KCNK13: variants seen among roughly 807,000 people sequenced by gnomAD.
The protein encoded by KCNK13 is potassium two pore domain channel subfamily K member 13.
KCNK13 carries 12 observed loss-of-function variants against 23.4 expected under a neutral mutation model. That is an observed-to-expected ratio of 0.51 (90% CI 0.33 to 0.83). KCNK13 has a LOEUF of 0.83. Ranked by LOEUF, KCNK13 falls within the 40% of genes least tolerant of loss-of-function variation. KCNK13 has a pLI of 0.02. For synonymous variants in KCNK13, 231 were observed against 229.5 expected (o/e 1.01, Z -0.06); for missense variants, 463 against 556.3 (o/e 0.83, Z 1.69).
At chr14:90,099,173 T>C (rs1170344099) in intron 1 of KCNK13, among the ~76,000 whole-genome samples, 2 of 152,228 alleles carry the variant, frequency 1.3e-5, no homozygotes, top group Non-Finnish European at 2.9e-5. Flanking sequence ...TGTATGGTTG[T>C]AACATAGTTG....
At position 90,177,005 on chromosome 14, in the gene KCNK13, C is replaced by T. The variant is rs141977117; in HGVS notation, c.335-7106C>T. ...ACTGCACTCCAGCCTTGCGACAGAG[C>T]GGGACTCCATCTCAAAAAATAAAAT... is the stretch of plus-strand genomic sequence containing the variant. On this transcript the variant is annotated intron_variant, in intron 1 of 1. Coordinates refer to ENST00000282146, the MANE Select transcript of KCNK13 (RefSeq NM_022054.4). Among the ~76,000 whole-genome samples the T allele has an allele frequency of 4.9e-4, 74 of 152,022 alleles. No individual in the cohort carries two copies. In the East Asian group the frequency reaches 0.013, roughly 26 times the overall value.
At chr14:90,070,210 TG>T (rs1889057337) in intron 1 of KCNK13, among the ~76,000 whole-genome samples, 1 of 152,220 alleles carries the variant, frequency 6.6e-6, no homozygotes, top group Admixed American at 6.5e-5. Flanking sequence ...GGGGGAAAGG[TG>T]TATCTTAAAA....
intron 1 of KCNK13, among the ~76,000 whole-genome samples, chr14:90,081,813 G>A (rs571300718): frequency 2.6e-5 from 4 of 152,278 alleles, no homozygotes; most frequent in South Asian, 4.1e-4. Flanking sequence ...GGGAGGTGGC[G>A]CCTTGAAGGA....
At chr14:90,111,851 C>T (rs1003339645) in intron 1 of KCNK13, among the ~76,000 whole-genome samples, 7 of 152,150 alleles carry the variant, frequency 4.6e-5, no homozygotes, top group African/African-American at 1.7e-4. Flanking sequence ...GGTGAATCAA[C>T]TTCTCTAGTA....
chr14:90,133,612 A>C (rs1566957673), intron 1 of KCNK13, among the ~76,000 whole-genome samples: 1 of 152,066 alleles, frequency 6.6e-6, no homozygotes, highest in African/African-American at 2.4e-5. Context: ...AAAAAAAAAA[A>C]AAACAGTTAA....
At chr14:90,183,611 G>A (rs959629251) in intron 1 of KCNK13, among the ~76,000 whole-genome samples, 10 of 152,138 alleles carry the variant, frequency 6.6e-5, no homozygotes, top group Non-Finnish European at 1.0e-4. Context: ...CTCCATGAGG[G>A]CAGGGACCAG....
chr14:90,064,733 G>A (rs184590100), intron 1 of KCNK13, among the ~76,000 whole-genome samples: 4 of 152,170 alleles, frequency 2.6e-5, no homozygotes, highest in Non-Finnish European at 5.9e-5. Context: ...AAGTGCGTGC[G>A]TGTTAAAAGG....
chr14:90,099,752 G>A (rs1355783631), intron 1 of KCNK13, among the ~76,000 whole-genome samples: 1 of 152,208 alleles, frequency 6.6e-6, no homozygotes, highest in Non-Finnish European at 1.5e-5. Context: ...CAGACAATAG[G>A]TGGGTGAGGT....
intron 1 of KCNK13, among the ~76,000 whole-genome samples, chr14:90,070,272 A>G (rs1420419205): frequency 6.6e-6 from 1 of 152,240 alleles, no homozygotes. Context: ...CCATTATAAC[A>G]TGAGCAGATT....
chr14:90,183,983 A>C, intron 1 of KCNK13, 128 bp from the exon 2 acceptor site: 1 of 821,526 alleles, frequency 1.2e-6, no homozygotes, highest in Non-Finnish European at 1.9e-6. Flanking sequence ...GCTCATTCCT[A>C]GAAAGACTAA....
chr14:90,075,810 TTCTC>T (rs1889128126), intron 1 of KCNK13, among the ~76,000 whole-genome samples: 1 of 152,188 alleles, frequency 6.6e-6, no homozygotes, highest in Non-Finnish European at 1.5e-5. Context: ...CTTCCCATCT[TTCTC>T]TCTAGTTTCA....
intron 1 of KCNK13, among the ~76,000 whole-genome samples, chr14:90,087,142 ATATATATATATAT>A (rs1889288030): frequency 5.3e-5 from 6 of 113,432 alleles, no homozygotes; most frequent in Admixed American, 1.7e-4. Flanking sequence ...ATATATATAT[ATATATATATATAT>A]TTTTTTTTTT....
intron 1 of KCNK13, among the ~76,000 whole-genome samples, chr14:90,084,654 C>T (rs941611490): frequency 6.6e-6 from 1 of 152,148 alleles, no homozygotes; most frequent in Non-Finnish European, 1.5e-5. Context: ...ACTAGAACTC[C>T]CACTGCAATG....
intron 1 of KCNK13, among the ~76,000 whole-genome samples, chr14:90,085,444 A>G (rs1416907788): frequency 1.3e-5 from 2 of 151,348 alleles, no homozygotes; most frequent in African/African-American, 4.9e-5. Context: ...GGATCACCTG[A>G]GGTCAGGAGT....
intron 1 of KCNK13, among the ~76,000 whole-genome samples, chr14:90,126,112 A>T (rs950070646): frequency 6.6e-6 from 1 of 152,172 alleles, no homozygotes; most frequent in African/African-American, 2.4e-5. Context: ...ACTTAAATAT[A>T]AAGTAAATAT....
intron 1 of KCNK13, among the ~76,000 whole-genome samples, chr14:90,116,821 T>C (rs942146256): frequency 3.9e-5 from 6 of 152,158 alleles, no homozygotes; most frequent in African/African-American, 1.4e-4. Context: ...TACTGGGAGA[T>C]ATTACCCTTA....
intron 1 of KCNK13, among the ~76,000 whole-genome samples, chr14:90,155,117 A>G (rs1243833350): frequency 1.3e-5 from 2 of 152,232 alleles, no homozygotes; most frequent in Admixed American, 6.5e-5. Flanking sequence ...AAAGCAGGAA[A>G]GAGGGATGGG....
chr14:90,169,735 G>T (rs1019018297), intron 1 of KCNK13, among the ~76,000 whole-genome samples: 1 of 152,084 alleles, frequency 6.6e-6, no homozygotes, highest in Non-Finnish European at 1.5e-5. Context: ...ATATCCCGAG[G>T]TACTTACTTG....
rs1471462027 is a variant in KCNK13 at position 90,087,131 on chromosome 14, T to C, written c.334+24592T>C. On this transcript the variant is annotated intron_variant, in intron 1 of 1. Coordinates refer to ENST00000282146, the MANE Select transcript of KCNK13 (RefSeq NM_022054.4). ...ATATATATATACATATATATATACA[T>C]ATATATATATATATATATATATATT... Among the ~76,000 whole-genome samples, 14 of 100,298 alleles carry C rather than the reference T, an allele frequency of 1.4e-4. No homozygotes were observed. In the East Asian group the frequency reaches 2.5e-3, roughly 18 times the overall value. 65.8% of individuals were successfully genotyped at this position (100,298 alleles called of 152,430 possible).
Sources: gnomAD v4.1 joint callset for allele counts (sites outside exome capture counted in the v4.1 genomes callset) on GRCh38, gnomAD v4.1.1 for gene constraint, MANE v1.5 for transcripts, NCBI Gene and HGNC (gene_info 2026-07-23, HGNC 2026-07-21) for gene names.